Variants in RAPGEF2 observed in about 807,000 individuals in gnomAD.
The protein encoded by RAPGEF2 is PDZ domain containing guanine nucleotide exchange factor (GEF) 1.
In RAPGEF2, 54 loss-of-function variants were observed where a neutral mutation model predicts 186.7. That is an observed-to-expected ratio of 0.29 (90% CI 0.23 to 0.36). The LOEUF (loss-of-function observed/expected upper bound fraction) is 0.36. RAPGEF2 is among the 10% of genes least tolerant of loss of function. The probability of loss-of-function intolerance (pLI) is 1.00; values close to 1 mark genes in which losing one functional copy is unlikely to be tolerated. For missense variants in RAPGEF2, 1,532 were observed against 2,045.0 expected (o/e 0.75, Z 4.84); for synonymous variants, 712 against 705.9 (o/e 1.01, Z -0.14).
chr4:159,124,396 G>T (rs1346491982), intron 1 of RAPGEF2, among the ~76,000 whole-genome samples: 1 of 151,790 alleles, frequency 6.6e-6, no homozygotes, highest in Non-Finnish European at 1.5e-5. Context: ...AAAATTAGCT[G>T]AGCATGGTGG....
intron 1 of RAPGEF2, among the ~76,000 whole-genome samples, chr4:159,168,816 A>G (rs1745600360): frequency 6.6e-6 from 1 of 152,192 alleles, no homozygotes; most frequent in Non-Finnish European, 1.5e-5. Context: ...CTTTGTAGGT[A>G]GCTTGAGGAT....
rs191661024 is a variant in RAPGEF2, at chr4:159,214,311, G to T, written c.281+3728G>T. Among the ~76,000 whole-genome samples the T allele has an allele frequency of 1.3e-3, 192 of 152,284 alleles. 1 individual carries two copies. The highest frequency in any genetic ancestry group is 1.2e-3 in the Non-Finnish European group (83 of 68,014). ...GTTGATTTATTAAAATAATTGACAG[G>T]CAGAGGGTAGTAAGAAGAAGGAGTT... On this transcript the variant is annotated intron_variant, in intron 4 of 29. Transcript: ENST00000691494.
chr4:159,141,617 T>G (rs2111164350), intron 1 of RAPGEF2, among the ~76,000 whole-genome samples: 1 of 152,036 alleles, frequency 6.6e-6, no homozygotes, highest in Admixed American at 6.5e-5. Flanking sequence ...TTTTAACATT[T>G]TGGTAGATAT....
rs1561059762 is a variant in RAPGEF2 at position 159,186,672 on chromosome 4, G to A, written c.100G>A (p.Gly34Ser). The part of the protein sequence containing the change: ...DLEIVYSYLH[G>S]MEALSNLREH... ...GGAAATAGTATATTCCTATTTACAT[G>A]GTATGGAAGCCTTATCAAACTTGAG... The change falls in exon 2 of 30, where the codon GGT becomes AGT. Residue 34 changes from glycine (G) to serine (S), a missense_variant. Gly to Ser is a moderately conservative substitution (Grantham distance 56). Transcript: ENST00000691494. 6.8e-6 allele frequency: 10 copies of A among 1,468,586 alleles called. No homozygotes were observed. The highest frequency in any genetic ancestry group is 8.2e-6 in the Non-Finnish European group (9 of 1,097,372). 91.0% of individuals were successfully genotyped at this position (1,468,586 alleles called of 1,614,324 possible). A position where few individuals can be genotyped will look rare whatever the true frequency, so the allele number is the denominator to read the frequency against.
intron 4 of RAPGEF2, among the ~76,000 whole-genome samples, chr4:159,216,835 T>C (rs570061412): frequency 6.6e-6 from 1 of 152,312 alleles, no homozygotes; most frequent in East Asian, 1.9e-4. Flanking sequence ...AAAATTAAAA[T>C]TGTGCTGTGG....
intron 1 of RAPGEF2, among the ~76,000 whole-genome samples, chr4:159,143,284 G>C (rs994531902): frequency 2.0e-5 from 3 of 151,652 alleles, no homozygotes; most frequent in Admixed American, 2.0e-4. Context: ...CCAAAAAAAC[G>C]AAAAAAACTT....
At position 159,346,796 on chromosome 4, in the gene RAPGEF2, G is replaced by A. The variant is rs1044227136; in HGVS notation, c.3510G>A (p.Lys1170=). The change falls in exon 25 of 30, where the codon AAG becomes AAA. Residue 1170 remains lysine, a synonymous_variant. Transcript: ENST00000691494. The part of the protein sequence containing the change: ...QCEPATNTLP[K]NPGDKKPVKS... ...AACCCAAACAATTATCAGTGCCTAA[G>A]AATCCTGGTGACAAAAAGCCTGTCA... 2 of 1,613,960 alleles carry A rather than the reference G, an allele frequency of 1.2e-6. No individual in the cohort carries two copies. Among genetic ancestry groups the A allele is most frequent in the South Asian group, 1.1e-5 (1 of 91,054 alleles).
chr4:159,277,398 CT>C (rs1759056989), intron 7 of RAPGEF2, among the ~76,000 whole-genome samples: 2 of 152,186 alleles, frequency 1.3e-5, no homozygotes, highest in Non-Finnish European at 2.9e-5. Context: ...GTGCATGTGT[CT>C]TTATAGCAGC....
In RAPGEF2 at chr4:159,314,827, G is replaced by A; in HGVS notation, c.853+59G>A. 5 of 1,476,242 alleles carry A rather than the reference G, an allele frequency of 3.4e-6. No individual in the cohort carries two copies. In the East Asian group the frequency reaches 7.1e-5, roughly 21 times the overall value. 91.4% of individuals were successfully genotyped at this position (1,476,242 alleles called of 1,614,324 possible). Reference sequence around the variant, plus strand: ...ATTAAAAAGATTTAGTGGCAAAATTGTCTGATGAAATAGAGCCCAAGACTA... The same window carrying A: ...ATTAAAAAGATTTAGTGGCAAAATTATCTGATGAAATAGAGCCCAAGACTA... On this transcript the variant is annotated intron_variant, in intron 9 of 29. Transcript: ENST00000691494.
intron 7 of RAPGEF2, among the ~76,000 whole-genome samples, chr4:159,270,837 A>G (rs1215145506): frequency 1.3e-5 from 2 of 152,154 alleles, no homozygotes; most frequent in African/African-American, 4.8e-5. Context: ...ATGAATACCC[A>G]TGTGTCACCA....
intron 2 of RAPGEF2, among the ~76,000 whole-genome samples, chr4:159,189,321 A>G (rs970808170): frequency 6.6e-6 from 1 of 152,232 alleles, no homozygotes; most frequent in African/African-American, 2.4e-5. Context: ...AGTAGACATT[A>G]CTGTGTTGCT....
At chr4:159,238,563 C>G (rs1753575466) in intron 4 of RAPGEF2, among the ~76,000 whole-genome samples, 1 of 152,108 alleles carries the variant, frequency 6.6e-6, no homozygotes. Flanking sequence ...TTCTCCTTTA[C>G]TTACATTATT....
At chr4:159,290,132 G>A (rs1243193800) in intron 7 of RAPGEF2, among the ~76,000 whole-genome samples, 1 of 152,156 alleles carries the variant, frequency 6.6e-6, no homozygotes, top group Non-Finnish European at 1.5e-5. Flanking sequence ...AAGCAAGATA[G>A]GACAGTGGTA....
At chr4:159,179,374 AGTT>A (rs1334818083) in intron 1 of RAPGEF2, among the ~76,000 whole-genome samples, 2 of 152,146 alleles carry the variant, frequency 1.3e-5, no homozygotes, top group Non-Finnish European at 2.9e-5. Context: ...ATTTTTCTAT[AGTT>A]GTTGGTTGAA....
At chr4:159,127,144 A>G (rs1417162710) in intron 1 of RAPGEF2, among the ~76,000 whole-genome samples, 4 of 152,152 alleles carry the variant, frequency 2.6e-5, no homozygotes, top group Non-Finnish European at 5.9e-5. Context: ...CTCCTGCCTC[A>G]GCCTCCTGAG....
At chr4:159,243,242 T>A (rs983673514) in intron 6 of RAPGEF2, among the ~76,000 whole-genome samples, 2 of 151,930 alleles carry the variant, frequency 1.3e-5, no homozygotes, top group African/African-American at 4.8e-5. Context: ...TACTAATGTG[T>A]GACATGTGGT....
At chr4:159,160,177 A>G (rs1304085733) in intron 1 of RAPGEF2, among the ~76,000 whole-genome samples, 1 of 152,216 alleles carries the variant, frequency 6.6e-6, no homozygotes, top group Non-Finnish European at 1.5e-5. Context: ...TTAAAATTGT[A>G]GTTATTTTAT....
At chr4:159,328,388 TAATTA>T (rs1766222485) in intron 11 of RAPGEF2, 2 of 152,250 alleles carry the variant, frequency 1.3e-5, no homozygotes, top group African/African-American at 4.8e-5. Flanking sequence ...ATTTTTAATA[TAATTA>T]AAGTATGCAT....
intron 16 of RAPGEF2, 96 bp from the exon 17 acceptor site, chr4:159,332,355 A>T: frequency 7.7e-7 from 1 of 1,301,068 alleles, no homozygotes; most frequent in Non-Finnish European, 1.1e-6. Flanking sequence ...TGAAGTCTGT[A>T]CTTCTCATAT....
Sources: allele counts gnomAD v4.1 joint callset (sites outside exome capture counted in the v4.1 genomes callset), GRCh38; gene constraint gnomAD v4.1.1; transcripts MANE v1.5; gene names NCBI Gene and HGNC (gene_info 2026-07-23, HGNC 2026-07-21).